Variants in GRIA3 observed in about 807,000 individuals in gnomAD.
The protein encoded by GRIA3 is glutamate receptor 3.
GRIA3 carries 3 observed loss-of-function variants against 63.0 expected under a neutral mutation model. That is an observed-to-expected ratio of 0.05 (90% confidence interval 0.02 to 0.12). GRIA3 has a LOEUF of 0.12. GRIA3 is among the 10% of genes least tolerant of loss of function. The pLI, the probability that GRIA3 is intolerant of heterozygous loss-of-function variation, is 1.00. For synonymous variants in GRIA3, 274 were observed against 257.9 expected (o/e 1.06, Z -0.60); for missense variants, 347 against 700.9 (o/e 0.50, Z 5.70).
chrX:123,248,991 C>T (rs1193173726), intron 2 of GRIA3, among the ~76,000 whole-genome samples: 1 of 111,779 alleles, frequency 8.9e-6, no homozygotes, highest in African/African-American at 3.3e-5. Context: ...GTAGAGCCAT[C>T]TATGCTACCT....
chrX:123,235,958 C>T (rs1490649501), intron 2 of GRIA3, among the ~76,000 whole-genome samples: 3 of 111,599 alleles, frequency 2.7e-5, no homozygotes, highest in Non-Finnish European at 3.8e-5. Flanking sequence ...ACCAGGAGTA[C>T]ATTAAGTCAT....
At chrX:123,202,801 A>C (rs1486829812) in intron 2 of GRIA3, 1 of 1,151,349 alleles carries the variant, frequency 8.7e-7, no homozygotes, top group African/African-American at 1.8e-5. Flanking sequence ...CCATAGTTTG[A>C]AATCAGCAAG....
chrX:123,188,089 G>T, intron 2 of GRIA3, among the ~76,000 whole-genome samples: 1 of 112,120 alleles, frequency 8.9e-6, no homozygotes, highest in Admixed American at 9.4e-5. Context: ...ACGTGACCTT[G>T]CCCTTAGTTA....
chrX:123,448,869 C>T (rs1367069073), intron 12 of GRIA3, among the ~76,000 whole-genome samples: 1 of 111,953 alleles, frequency 8.9e-6, no homozygotes, highest in Admixed American at 9.5e-5. Flanking sequence ...TGGGGAGAAA[C>T]TAAGTGCTTA....
intron 12 of GRIA3, among the ~76,000 whole-genome samples, chrX:123,444,288 C>T (rs1037481927): frequency 1.8e-5 from 2 of 111,063 alleles, no homozygotes; most frequent in Non-Finnish European, 3.8e-5. Context: ...TAGACATAAA[C>T]CTGGTTACCA....
chrX:123,269,331 C>T (rs1475934995), intron 3 of GRIA3, among the ~76,000 whole-genome samples: 3 of 112,024 alleles, frequency 2.7e-5, no homozygotes, highest in African/African-American at 9.7e-5. Context: ...TGGGTTACAT[C>T]CATGAAAGGC....
chrX:123,441,663 C>T (rs745718914), intron 12 of GRIA3, among the ~76,000 whole-genome samples: 1 of 111,551 alleles, frequency 9.0e-6, no homozygotes, highest in East Asian at 2.8e-4. Flanking sequence ...TTAAAAGCAA[C>T]CTCATTACAT....
At chrX:123,381,006 A>T (rs1029199291) in intron 5 of GRIA3, among the ~76,000 whole-genome samples, 1 of 111,764 alleles carries the variant, frequency 8.9e-6, no homozygotes, top group Non-Finnish European at 1.9e-5. Context: ...GAAGAAAAAA[A>T]GTTCCATGTT....
intron 2 of GRIA3, among the ~76,000 whole-genome samples, chrX:123,248,609 A>C (rs1344989636): frequency 9.0e-6 from 1 of 110,638 alleles, no homozygotes; most frequent in East Asian, 2.8e-4. Context: ...AACATGGAGA[A>C]ACCTCGTCTC....
intron 2 of GRIA3, among the ~76,000 whole-genome samples, chrX:123,251,186 ATTATCATTATTATTGGATG>A (rs1430033716): frequency 1.8e-5 from 2 of 112,178 alleles, no homozygotes; most frequent in African/African-American, 6.5e-5. Flanking sequence ...ATCAATGGCT[ATTATCATTATTATTGGATG>A]TTATCATTAT....
chrX:123,432,002 T>C (rs1400460048), intron 12 of GRIA3, among the ~76,000 whole-genome samples: 2 of 112,279 alleles, frequency 1.8e-5, no homozygotes, highest in African/African-American at 6.5e-5. Context: ...ATTTCCTTTA[T>C]CAATTTCCTC....
chrX:123,266,588 T>A lies in GRIA3; in HGVS notation c.508+13046T>A, dbSNP rs772853527. 3.6e-5 allele frequency among the ~76,000 whole-genome samples: 4 copies of A among 111,091 alleles called. No individual in the cohort carries two copies. In the East Asian group the frequency reaches 1.1e-3, roughly 32 times the overall value. ...CTGATGTTACCCCCTCCACCACTGA[T>A]AAACAGCAATCTTCCCATCATGTCA... is the stretch of plus-strand genomic sequence containing the variant. On this transcript the variant is annotated intron_variant, in intron 3 of 15. Transcript: ENST00000620443.
intron 13 of GRIA3, among the ~76,000 whole-genome samples, chrX:123,470,904 G>A (rs2045858884): frequency 8.9e-6 from 1 of 111,868 alleles, no homozygotes; most frequent in Non-Finnish European, 1.9e-5. Context: ...GGATACTCAG[G>A]GTTAAGATGG....
At chrX:123,383,264 A>C (rs2045334780) in intron 5 of GRIA3, among the ~76,000 whole-genome samples, 1 of 112,081 alleles carries the variant, frequency 8.9e-6, no homozygotes, top group African/African-American at 3.2e-5. Context: ...TTGAGTATTT[A>C]TCATTTCTGT....
intron 3 of GRIA3, among the ~76,000 whole-genome samples, chrX:123,273,152 C>G (rs1234857404): frequency 1.8e-5 from 2 of 111,522 alleles, no homozygotes; most frequent in Admixed American, 1.9e-4. Flanking sequence ...GGCCCTTCGT[C>G]CCCACCACAT....
intron 2 of GRIA3, among the ~76,000 whole-genome samples, chrX:123,186,312 AAAAG>A (rs1370797295): frequency 9.0e-6 from 1 of 111,235 alleles, no homozygotes; most frequent in African/African-American, 3.3e-5. Context: ...TGGGGAAAAA[AAAAG>A]AAAGAAAGAA....
intron 3 of GRIA3, among the ~76,000 whole-genome samples, chrX:123,309,970 G>C (rs1470303456): frequency 8.9e-6 from 1 of 111,962 alleles, no homozygotes; most frequent in African/African-American, 3.2e-5. Flanking sequence ...TGATACATAA[G>C]ACTTAAGACA....
chrX:123,482,084 G>A (rs772138156), intron 14 of GRIA3, among the ~76,000 whole-genome samples: 1 of 111,915 alleles, frequency 8.9e-6, no homozygotes, highest in East Asian at 2.8e-4. Flanking sequence ...AAAATGGAAC[G>A]GAGCCAATTC....
At chrX:123,420,785 T>G (rs2147395929) in intron 11 of GRIA3, among the ~76,000 whole-genome samples, 1 of 111,681 alleles carries the variant, frequency 9.0e-6, no homozygotes, top group Admixed American at 9.5e-5. Flanking sequence ...TGAACAGGTT[T>G]GTTAATGTCT....
Sources: allele counts gnomAD v4.1 joint callset (sites outside exome capture counted in the v4.1 genomes callset), GRCh38; gene constraint gnomAD v4.1.1; transcripts MANE v1.5; gene names NCBI Gene and HGNC (gene_info 2026-07-23, HGNC 2026-07-21).